Variants in SLC38A8 observed in about 807,000 individuals in gnomAD.
SLC38A8 encodes solute carrier family 38 member 8, also known as amino acid transporter SLC38A8.
A neutral mutation model predicts 46.0 loss-of-function variants in SLC38A8; 65 were observed. The observed-to-expected ratio is 1.41, with a 90% CI of 1.16 to 1.74. SLC38A8 has a LOEUF of 1.74. SLC38A8 is among the 40% of genes most tolerant of loss of function. The pLI is 0.00. For missense variants in SLC38A8, 998 were observed against 567.9 expected, an observed-to-expected ratio of 1.76 and a Z score of -7.70; for synonymous variants, 447 against 243.7, an observed-to-expected ratio of 1.83 and a Z score of -7.77.
intron 1 of SLC38A8, 41 bp downstream of exon 1, chr16:84,042,510 C>T (rs2085379057): frequency 5.3e-6 from 1 of 189,402 alleles, no homozygotes; most frequent in African/African-American, 2.3e-5. Flanking sequence ...TGCTTCCAGC[C>T]AAACTTCTGT....
At chr16:84,037,279 G>C (rs1876959) in intron 2 of SLC38A8, among the ~76,000 whole-genome samples, 58,544 of 152,166 alleles carry the variant, frequency 0.38, 11,722 homozygotes, top group East Asian at 0.59. Context: ...ACCCGAGGTG[G>C]AGCGGGCACA....
At chr16:84,013,181 G>GC in intron 9 of SLC38A8, 129 bp from the exon 10 acceptor site, 1 of 954,548 alleles carries the variant, frequency 1.0e-6, no homozygotes, top group Non-Finnish European at 1.6e-6. Context: ...CCTGGCTCAG[G>GC]CCCCCTGGAG....
At chr16:84,011,333 G>A (rs916626639) in intron 10 of SLC38A8, among the ~76,000 whole-genome samples, 3 of 152,232 alleles carry the variant, frequency 2.0e-5, no homozygotes, top group African/African-American at 4.8e-5. Context: ...AAGCATCCCA[G>A]GGAATGAGCG....
At chr16:84,027,301 G>T (rs575456115) in intron 6 of SLC38A8, among the ~76,000 whole-genome samples, 64 of 152,190 alleles carry the variant, frequency 4.2e-4, no homozygotes, top group African/African-American at 1.5e-3. Context: ...AGTGAGCCAA[G>T]ATCACACCAC....
chr16:84,038,573 C>G (rs576055368), intron 2 of SLC38A8, among the ~76,000 whole-genome samples: 1 of 152,182 alleles, frequency 6.6e-6, no homozygotes. Flanking sequence ...ATTCACCGGC[C>G]TTTTCTCTTG....
chr16:84,029,203 C>T (rs1260693951), intron 6 of SLC38A8, among the ~76,000 whole-genome samples: 2 of 152,144 alleles, frequency 1.3e-5, no homozygotes, highest in Non-Finnish European at 2.9e-5. Flanking sequence ...GGTCCCGGGT[C>T]CCCACACTCT....
At chr16:84,014,873 G>T (rs150177610) in intron 9 of SLC38A8, among the ~76,000 whole-genome samples, 26 of 151,636 alleles carry the variant, frequency 1.7e-4, no homozygotes, top group African/African-American at 6.3e-4. Flanking sequence ...TTCTTCCATC[G>T]CCCCCCCACC....
intron 10 of SLC38A8, among the ~76,000 whole-genome samples, chr16:84,011,256 A>C (rs2084949928): frequency 6.6e-6 from 1 of 152,242 alleles, no homozygotes; most frequent in Non-Finnish European, 1.5e-5. Flanking sequence ...ATATCTTGAA[A>C]GCTCATCAGT....
intron 3 of SLC38A8, among the ~76,000 whole-genome samples, chr16:84,036,146 A>G (rs887589216): frequency 4.6e-5 from 7 of 152,256 alleles, no homozygotes; most frequent in Non-Finnish European, 1.0e-4. Flanking sequence ...ACTCCTCAAT[A>G]ATTGTCAATT....
Position 84,013,578 on chromosome 16 carries a change from G to A in SLC38A8, c.1163-526C>T, listed in dbSNP as rs541085557. Among the ~76,000 whole-genome samples the A allele has an allele frequency of 3.8e-3, 570 of 151,566 alleles. 3 individuals carry two copies. The highest frequency in any genetic ancestry group is 0.013 in the African/African-American group (541 of 41,338). ...CCCGAGTAGCTGGGACTACAGGTGC[G>A]TGCCACCACACCCCGCTCATTTTTG... On this transcript the variant is annotated intron_variant, in intron 9 of 10. Coordinates refer to ENST00000299709, the MANE Select transcript of SLC38A8 (RefSeq NM_001080442.3).
chr16:84,016,636 G>C lies in SLC38A8; in HGVS notation c.1045C>G (p.Pro349Ala). The change falls in exon 9 of 11, where the codon CCG (proline) becomes GCG (alanine). Residue 349 changes from proline (P) to alanine (A), a missense_variant. Physicochemically the swap from Pro to Ala is conservative, Grantham distance 27. Coordinates refer to ENST00000299709, the MANE Select transcript of SLC38A8 (RefSeq NM_001080442.3). ...ACGGTGACCCACAGGATGGTCAGCG[G>C]CATCCGGACCCACAGCCCTGAGGGG... ...ADPSGLWVRM[P>A]LTILWVTVTL... 6.2e-7 allele frequency: 1 copy of C among 1,613,832 alleles called. No homozygotes were observed. Among genetic ancestry groups the C allele is most frequent in the Middle Eastern group, 1.7e-4 (1 of 6,056 alleles).
At position 84,042,039 on chromosome 16, in the gene SLC38A8, G is replaced by T. The variant is rs770255634; in HGVS notation, c.119C>A (p.Ala40Asp). 16 of 1,613,872 alleles carry T rather than the reference G, an allele frequency of 9.9e-6. No homozygotes were observed. Among genetic ancestry groups the T allele is most frequent in the Non-Finnish European group, 1.4e-5 (16 of 1,179,958 alleles). Residue 40 changes from alanine to aspartate, a missense_variant, in exon 2 of 11, where the codon GCT becomes GAT. Physicochemically the swap from Ala to Asp is moderately radical, Grantham distance 126 (BLOSUM62 -2). Transcript: ENST00000299709. ...GGCCCAGGGGAAGTTGAGCAGGCCA[G>T]CTCCCAGCGCGGACTTCATGAGGAT... ...VFILMKSALGAGLLNFPWAFS... is the reference protein window; with the variant it reads ...VFILMKSALGDGLLNFPWAFS...
chr16:84,010,465 G>A (rs915606431), intron 10 of SLC38A8, among the ~76,000 whole-genome samples: 2 of 152,102 alleles, frequency 1.3e-5, no homozygotes, highest in African/African-American at 2.4e-5. Context: ...TGGGGGCCAG[G>A]CATGGTGGCA....
At chr16:84,032,079 G>A in intron 4 of SLC38A8, 111 bp from the exon 5 acceptor site, 1 of 918,034 alleles carries the variant, frequency 1.1e-6, no homozygotes, top group South Asian at 1.6e-5. Context: ...TGAGGTGCTG[G>A]CCAAGCTGTC....
chr16:84,018,661 C>T, intron 7 of SLC38A8, among the ~76,000 whole-genome samples: 1 of 152,170 alleles, frequency 6.6e-6, no homozygotes, highest in Non-Finnish European at 1.5e-5. Flanking sequence ...AAAATCAACA[C>T]CAGACAATCA....
intron 5 of SLC38A8, among the ~76,000 whole-genome samples, chr16:84,031,319 C>T (rs939826051): frequency 3.2e-4 from 49 of 152,174 alleles, no homozygotes; most frequent in African/African-American, 1.2e-3. Context: ...GGGATCACAA[C>T]TATGAGCCAC....
chr16:84,030,949 C>T (rs762885897), intron 5 of SLC38A8, among the ~76,000 whole-genome samples: 2 of 152,190 alleles, frequency 1.3e-5, no homozygotes, highest in South Asian at 2.1e-4. Context: ...GTCTGGGACC[C>T]GGGATCTAGG....
At chr16:84,019,764 G>A (rs906169673) in intron 7 of SLC38A8, among the ~76,000 whole-genome samples, 5 of 152,230 alleles carry the variant, frequency 3.3e-5, no homozygotes, top group African/African-American at 1.2e-4. Flanking sequence ...CAATGGCAGT[G>A]CAGGCAAAAG....
intron 2 of SLC38A8, among the ~76,000 whole-genome samples, chr16:84,041,682 G>T (rs1201701265): frequency 2.0e-5 from 3 of 152,156 alleles, no homozygotes; most frequent in Non-Finnish European, 4.4e-5. Flanking sequence ...GCCCAGAGAG[G>T]TTCCTTCCCA....
Sources: allele counts gnomAD v4.1 joint callset (sites outside exome capture counted in the v4.1 genomes callset), GRCh38; gene constraint gnomAD v4.1.1; transcripts MANE v1.5; gene names NCBI Gene and HGNC (gene_info 2026-07-23, HGNC 2026-07-21).